Variants in ITCH observed in about 807,000 individuals in gnomAD.
ITCH encodes the protein itchy E3 ubiquitin protein ligase, also known as E3 ubiquitin-protein ligase Itchy homolog.
In ITCH, 28 loss-of-function variants were observed where a neutral mutation model predicts 126.8. The ratio of observed to expected loss-of-function variants is 0.22; its 90% confidence interval spans 0.16 to 0.30. ITCH has a LOEUF of 0.30. ITCH is among the 10% of genes least tolerant of loss of function. ITCH has a pLI of 1.00. For synonymous variants in ITCH, 342 were observed against 340.0 expected, an observed-to-expected ratio of 1.01 and a Z score of -0.06; for missense variants, 631 against 1,032.4, an observed-to-expected ratio of 0.61 and a Z score of 5.33.
At chr20:34,395,952 A>G (rs1005715738) in intron 3 of ITCH, among the ~76,000 whole-genome samples, 4 of 151,870 alleles carry the variant, frequency 2.6e-5, no homozygotes, top group Non-Finnish European at 5.9e-5. Flanking sequence ...TTTCTTGGGT[A>G]TATACCTAAG....
chr20:34,415,378 A>G (rs374061727), intron 6 of ITCH, among the ~76,000 whole-genome samples: 84 of 151,488 alleles, frequency 5.5e-4, no homozygotes, highest in African/African-American at 2.0e-3. Context: ...AGGCAACATA[A>G]CAAAACCCCA....
intron 16 of ITCH, chr20:34,476,152 C>T (rs1988195933): frequency 6.1e-6 from 5 of 813,372 alleles, no homozygotes; most frequent in Non-Finnish European, 8.9e-6. Flanking sequence ...AGCCAGAGTT[C>T]CCTCACATGC....
At chr20:34,497,005 C>G (rs893982709) in intron 23 of ITCH, among the ~76,000 whole-genome samples, 3 of 149,968 alleles carry the variant, frequency 2.0e-5, no homozygotes, top group Non-Finnish European at 4.5e-5. Flanking sequence ...AATGATTGTT[C>G]TTTTTTTTTG....
intron 20 of ITCH, among the ~76,000 whole-genome samples, chr20:34,485,218 C>T (rs961126930): frequency 6.6e-6 from 1 of 152,024 alleles, no homozygotes; most frequent in Non-Finnish European, 1.5e-5. Context: ...TTGGTTGTTT[C>T]TCAGTCTGGG....
Position 34,481,048 on chromosome 20 carries a change from C to G in ITCH, c.1953-18C>G. On this transcript the variant is annotated intron_variant, in intron 19 of 24. Coordinates refer to ENST00000374864, the MANE Select transcript of ITCH (RefSeq NM_031483.7). The stretch of plus-strand genomic sequence containing the variant: ...GAATTGGTGGATATAACAAATAGTG[C>G]TAATTTCATTTGTGCAGGGAAAACA... 1 of 1,611,850 alleles carries G rather than the reference C, an allele frequency of 6.2e-7. No homozygotes were observed. Among genetic ancestry groups the G allele is most frequent in the Non-Finnish European group, 8.5e-7 (1 of 1,178,242 alleles).
intron 16 of ITCH, among the ~76,000 whole-genome samples, chr20:34,474,756 C>T (rs1038765928): frequency 1.1e-4 from 16 of 150,524 alleles, no homozygotes; most frequent in African/African-American, 3.7e-4. Flanking sequence ...AGAGGCACCC[C>T]GCACCTCCAG....
intron 7 of ITCH, among the ~76,000 whole-genome samples, chr20:34,432,094 G>A (rs970169830): frequency 6.8e-6 from 1 of 146,366 alleles, no homozygotes; most frequent in Admixed American, 6.8e-5. Context: ...ACTATCAAAC[G>A]CTGCAAAAGA....
chr20:34,434,823 G>C (rs1016673853), intron 7 of ITCH, among the ~76,000 whole-genome samples: 42 of 152,172 alleles, frequency 2.8e-4, no homozygotes, highest in African/African-American at 9.9e-4. Context: ...AAACAATATA[G>C]ATAACCCAAT....
In ITCH at chr20:34,442,255, A is replaced by G. The variant is rs201610952; in HGVS notation, c.917A>G (p.His306Arg). The change falls in exon 10 of 25, where the codon CAT becomes CGT. Residue 306 changes from histidine (H) to arginine (R), a missense_variant. Coordinates refer to ENST00000374864, the MANE Select transcript of ITCH (RefSeq NM_031483.7). Reference protein sequence around the residue: ...DQHGRVYYVDHVEKRTTWDRP... With the variant: ...DQHGRVYYVDRVEKRTTWDRP... ...CACGGGCGAGTTTACTATGTAGATC[A>G]TGTTGAGAAAAGAACAACATGGGAT... 6.2e-7 allele frequency: 1 copy of G among 1,613,428 alleles called. No homozygotes were observed. The highest frequency in any genetic ancestry group is 2.2e-5 in the East Asian group (1 of 44,868).
intron 1 of ITCH, among the ~76,000 whole-genome samples, chr20:34,367,588 G>C (rs2037466384): frequency 6.6e-6 from 1 of 152,186 alleles, no homozygotes; most frequent in Non-Finnish European, 1.5e-5. Flanking sequence ...GGTTGTAGGT[G>C]CTCTGAGAAA....
At position 34,456,184 on chromosome 20, in the gene ITCH, G is replaced by A. The variant is rs199965071; in HGVS notation, c.1211-1206G>A. On this transcript the variant is annotated intron_variant, in intron 12 of 24. Transcript: ENST00000374864. ...TGTGTGTGTGTGTGTGTGTGTGTGT[G>A]TATATATATATATATATATATATAT... is the stretch of plus-strand genomic sequence containing the variant. Among the ~76,000 whole-genome samples the A allele has an allele frequency of 8.2e-3, 389 of 47,196 alleles. 4 individuals are homozygous for A. The highest frequency in any genetic ancestry group is 9.9e-3 in the Non-Finnish European group (295 of 29,930). The allele number at this position is 47,196 out of a possible 152,430, so 31.0% of individuals were successfully genotyped here.
At position 34,441,950 on chromosome 20, in the gene ITCH, G is replaced by T. The variant is rs1048248462; in HGVS notation, c.870-258G>T. On this transcript the variant is annotated intron_variant, in intron 9 of 24. Transcript: ENST00000374864. ...AGTGACTTCGGTATCCTAGGTAGACGGACCTCAAGCCTCTTCAGGAATATG... is the reference window on the plus strand; with the variant it reads ...AGTGACTTCGGTATCCTAGGTAGACTGACCTCAAGCCTCTTCAGGAATATG... 1.8e-5 allele frequency: 8 copies of T among 453,384 alleles called. No individual in the cohort carries two copies. The East Asian group carries it at 3.6e-4, about 21-fold the overall frequency. 28.1% of individuals were successfully genotyped at this position (453,384 alleles called of 1,614,324 possible).
intron 22 of ITCH, 145 bp from the exon 23 acceptor site, chr20:34,492,356 C>T (rs1989576098): frequency 3.5e-6 from 2 of 575,070 alleles, no homozygotes; most frequent in South Asian, 3.9e-5. Context: ...ATGATTGCAT[C>T]ACTGCACCCC....
chr20:34,417,883 C>CT (rs570597034), intron 6 of ITCH, among the ~76,000 whole-genome samples: 276 of 151,184 alleles, frequency 1.8e-3, no homozygotes, highest in African/African-American at 6.3e-3. Flanking sequence ...TTTATGACCT[C>CT]TAACAAGAAA....
intron 10 of ITCH, among the ~76,000 whole-genome samples, chr20:34,444,324 C>T (rs1282634097): frequency 1.3e-5 from 2 of 152,160 alleles, no homozygotes; most frequent in Non-Finnish European, 2.9e-5. Flanking sequence ...TGGTTCACGC[C>T]TGTAATCCCA....
chr20:34,413,615 A>G (rs1979372937), intron 5 of ITCH, 127 bp from the exon 6 acceptor site: 1 of 826,750 alleles, frequency 1.2e-6, no homozygotes, highest in Non-Finnish European at 1.8e-6. Flanking sequence ...ACATAGTTAA[A>G]CAGTTTATAT....
intron 2 of ITCH, among the ~76,000 whole-genome samples, chr20:34,382,437 C>T (rs944636602): frequency 6.6e-6 from 1 of 152,066 alleles, no homozygotes; most frequent in Non-Finnish European, 1.5e-5. Flanking sequence ...GATGGAGTCT[C>T]GCCTTGTCAC....
At chr20:34,374,779 G>A (rs148626746) in intron 2 of ITCH, among the ~76,000 whole-genome samples, 1,681 of 151,454 alleles carry the variant, frequency 0.011, 17 homozygotes, top group African/African-American at 0.022. Context: ...TGTTGCCCAG[G>A]CTGGAGTGCA....
At chr20:34,438,437 TC>T (rs1233220842) in intron 7 of ITCH, 36 bp from the exon 8 acceptor site, 2 of 1,608,834 alleles carry the variant, frequency 1.2e-6, no homozygotes, top group Admixed American at 3.3e-5. Context: ...ATTCATTATT[TC>T]CCTCTCCCCC....
Sources: allele counts gnomAD v4.1 joint callset (sites outside exome capture counted in the v4.1 genomes callset), GRCh38; gene constraint gnomAD v4.1.1; transcripts MANE v1.5; gene names NCBI Gene and HGNC (gene_info 2026-07-23, HGNC 2026-07-21).